The following STX8 variants were observed in gnomAD, a reference collection of about 807,000 sequenced individuals.
The protein encoded by STX8 is syntaxin-8.
A neutral mutation model predicts 37.5 loss-of-function variants in STX8; 23 were observed. That is an observed-to-expected ratio of 0.61 (90% CI 0.44 to 0.87). STX8 has a LOEUF of 0.87. Ranked by LOEUF, STX8 falls within the 40% of genes least tolerant of loss-of-function variation. STX8 has a pLI of 0.00. For missense variants in STX8, 313 were observed against 284.7 expected, an observed-to-expected ratio of 1.10 and a Z score of -0.71; for synonymous variants, 115 against 99.1, an observed-to-expected ratio of 1.16 and a Z score of -0.95.
chr17:9,397,606 G>C (rs997944252), intron 6 of STX8, among the ~76,000 whole-genome samples: 1 of 152,144 alleles, frequency 6.6e-6, no homozygotes, highest in African/African-American at 2.4e-5. Flanking sequence ...AAAGGTGGAA[G>C]ATTCTGAACA....
chr17:9,483,079 A>T lies in STX8; in HGVS notation c.541+8750T>A, dbSNP rs577005159. Among the ~76,000 whole-genome samples, 304 of 152,250 alleles carry T rather than the reference A, an allele frequency of 2.0e-3. 1 individual carries two copies. The highest frequency in any genetic ancestry group is 7.0e-3 in the African/African-American group (290 of 41,546). On this transcript the variant is annotated intron_variant, in intron 6 of 7. Transcript: ENST00000306357. ...TCTATTAGATTCCTGTTGCTACTCT[A>T]ACAAATTATCACACACTGAGTAGCC...
intron 7 of STX8, among the ~76,000 whole-genome samples, chr17:9,333,558 T>G (rs942079229): frequency 1.3e-5 from 2 of 151,666 alleles, no homozygotes; most frequent in African/African-American, 4.8e-5. Context: ...CAGCTAATAT[T>G]TTGTATTTTT....
chr17:9,438,109 G>T (rs538184519), intron 6 of STX8, among the ~76,000 whole-genome samples: 27 of 151,966 alleles, frequency 1.8e-4, no homozygotes, highest in African/African-American at 5.1e-4. Flanking sequence ...CAGGCATGGT[G>T]GCACACACCT....
intron 7 of STX8, among the ~76,000 whole-genome samples, chr17:9,251,882 G>T (rs1314435865): frequency 4.6e-5 from 7 of 152,252 alleles, no homozygotes; most frequent in Admixed American, 4.6e-4. Context: ...TATGGCAAGT[G>T]GCTGGGTGCA....
At position 9,563,373 on chromosome 17, in the gene STX8, G is replaced by A. The variant is rs111780353; in HGVS notation, c.117+4998C>T. Among the ~76,000 whole-genome samples, 344 of 151,872 alleles carry A rather than the reference G, an allele frequency of 2.3e-3. 2 individuals carry two copies. The highest frequency in any genetic ancestry group is 7.9e-3 in the African/African-American group (327 of 41,410). On this transcript the variant is annotated intron_variant, in intron 2 of 7. Coordinates refer to ENST00000306357, the MANE Select transcript of STX8 (RefSeq NM_004853.3). ...AATGTTTTGTATTTTTAGTAGAGAC[G>A]GGGTTTCACCATGTTGGCCAGGCTT...
At chr17:9,545,422 GC>G (rs1380903822) in intron 3 of STX8, 140 bp from the exon 4 acceptor site, 6 of 621,112 alleles carry the variant, frequency 9.7e-6, no homozygotes, top group Non-Finnish European at 1.7e-5. Flanking sequence ...CACCACTCTT[GC>G]GTTTTTCCTG....
At chr17:9,532,436 G>A (rs996789336) in intron 4 of STX8, among the ~76,000 whole-genome samples, 53 of 152,090 alleles carry the variant, frequency 3.5e-4, no homozygotes, top group African/African-American at 1.2e-3. Flanking sequence ...TAGAGACTGG[G>A]GATATGGGCC....
chr17:9,341,450 T>C (rs1910353848), intron 7 of STX8, among the ~76,000 whole-genome samples: 1 of 152,152 alleles, frequency 6.6e-6, no homozygotes, highest in Admixed American at 6.5e-5. Context: ...TGTTTGTTTG[T>C]TTTTTGAGAC....
intron 6 of STX8, among the ~76,000 whole-genome samples, chr17:9,414,120 A>ACCCACCTACCCATTTGTCCGTCTG (rs1913090924): frequency 2.3e-4 from 2 of 8,742 alleles, no homozygotes; most frequent in East Asian, 3.1e-3. Flanking sequence ...CCATCCATCC[A>ACCCACCTACCCATTTGTCCGTCTG]TCCATCCAAC....
intron 4 of STX8, among the ~76,000 whole-genome samples, chr17:9,543,204 G>A (rs1316872683): frequency 1.3e-5 from 2 of 152,000 alleles, no homozygotes; most frequent in Admixed American, 6.6e-5. Context: ...ATTCCTCCAT[G>A]AAACAAGCTC....
chr17:9,376,978 A>G (rs1027724540), intron 7 of STX8, among the ~76,000 whole-genome samples: 1 of 152,198 alleles, frequency 6.6e-6, no homozygotes, highest in African/African-American at 2.4e-5. Context: ...ACTGAGGACC[A>G]GAAGCACAGG....
chr17:9,426,045 T>C (rs182333603), intron 6 of STX8, among the ~76,000 whole-genome samples: 1 of 133,308 alleles, frequency 7.5e-6, no homozygotes, highest in African/African-American at 3.2e-5. Flanking sequence ...ACCCTGTTAA[T>C]TAGAACCTAG....
chr17:9,573,080 A>ACCCCCCCCCCCCCC (rs71135994), intron 1 of STX8, among the ~76,000 whole-genome samples: 7 of 101,578 alleles, frequency 6.9e-5, no homozygotes, highest in South Asian at 3.8e-4. Context: ...CACCCCCAAC[A>ACCCCCCCCCCCCCC]CCCCCCCCCA....
chr17:9,297,774 G>A (rs1908619303), intron 7 of STX8, among the ~76,000 whole-genome samples: 1 of 152,190 alleles, frequency 6.6e-6, no homozygotes, highest in African/African-American at 2.4e-5. Flanking sequence ...TGCCTGGGAG[G>A]TTGAGGCAGG....
intron 2 of STX8, among the ~76,000 whole-genome samples, chr17:9,565,066 G>A (rs992287925): frequency 6.6e-6 from 1 of 152,154 alleles, no homozygotes; most frequent in East Asian, 1.9e-4. Context: ...AAATTAGCTG[G>A]AAGTGGTGGC....
chr17:9,526,390 C>T (rs563912123), intron 4 of STX8, among the ~76,000 whole-genome samples: 2 of 152,284 alleles, frequency 1.3e-5, no homozygotes, highest in South Asian at 4.1e-4. Flanking sequence ...CGCCCCCACC[C>T]GCCACTCCAC....
chr17:9,311,251 AAAG>A (rs1299114821), intron 7 of STX8, among the ~76,000 whole-genome samples: 2 of 151,980 alleles, frequency 1.3e-5, no homozygotes, highest in African/African-American at 2.4e-5. Flanking sequence ...AAAAAAAAAA[AAAG>A]AGGAGAAGTC....
intron 6 of STX8, among the ~76,000 whole-genome samples, chr17:9,384,197 T>C (rs1911914442): frequency 6.6e-6 from 1 of 151,134 alleles, no homozygotes; most frequent in Non-Finnish European, 1.5e-5. Context: ...TACTGGTTCA[T>C]TTTTTTTTCA....
At chr17:9,565,170 T>C (rs7406353) in intron 2 of STX8, among the ~76,000 whole-genome samples, 104,659 of 152,038 alleles carry the variant, frequency 0.69, 38,482 homozygotes, top group East Asian at 0.98. Flanking sequence ...ATCGTGCCAC[T>C]GCACTCCAGC....
Sources: allele counts gnomAD v4.1 joint callset (sites outside exome capture counted in the v4.1 genomes callset), GRCh38; gene constraint gnomAD v4.1.1; transcripts MANE v1.5; gene names NCBI Gene and HGNC (gene_info 2026-07-23, HGNC 2026-07-21).